The following USP25 variants were observed in gnomAD, a reference collection of about 807,000 sequenced individuals.
USP25 encodes ubiquitin specific peptidase 25.
Under a neutral mutation model 158.5 loss-of-function variants are expected in USP25, and 85 were observed. The observed-to-expected ratio is 0.54, with a 90% CI of 0.45 to 0.64. USP25 has a LOEUF of 0.64. Ranked by LOEUF, USP25 falls within the 30% of genes least tolerant of loss-of-function variation. The pLI, the probability that USP25 is intolerant of heterozygous loss-of-function variation, is 0.00. For synonymous variants in USP25, 464 were observed against 460.4 expected (o/e 1.01, Z -0.10); for missense variants, 1,242 against 1,327.3 (o/e 0.94, Z 1.00).
intron 4 of USP25, among the ~76,000 whole-genome samples, chr21:15,789,469 A>G (rs1386614821): frequency 6.6e-6 from 1 of 152,098 alleles, no homozygotes; most frequent in Non-Finnish European, 1.5e-5. Flanking sequence ...GTTTCTTGTT[A>G]TAATTAGTAG....
At chr21:15,756,804 T>C (rs143670852) in intron 1 of USP25, among the ~76,000 whole-genome samples, 3 of 152,118 alleles carry the variant, frequency 2.0e-5, no homozygotes, top group African/African-American at 4.8e-5. Context: ...ACTGAATCTC[T>C]TTGGACGTTG....
intron 10 of USP25, among the ~76,000 whole-genome samples, chr21:15,820,401 C>T (rs1045520147): frequency 1.3e-5 from 2 of 151,820 alleles, no homozygotes; most frequent in East Asian, 3.9e-4. Flanking sequence ...TGGTTTTATA[C>T]TCTGAATGCC....
intron 23 of USP25, among the ~76,000 whole-genome samples, chr21:15,871,968 G>A (rs1211975121): frequency 2.7e-5 from 4 of 148,936 alleles, no homozygotes; most frequent in Non-Finnish European, 5.9e-5. Flanking sequence ...TCCAGCCTGG[G>A]CGACAGAGCG....
chr21:15,846,139 TATATATATATA>T (rs2038583279), intron 18 of USP25, among the ~76,000 whole-genome samples: 1 of 57,404 alleles, frequency 1.7e-5, no homozygotes, highest in African/African-American at 8.7e-5. Context: ...TATATATATA[TATATATATATA>T]TATATATATT....
In USP25 at chr21:15,847,765, TATG is replaced by T. The variant is rs1360539524; in HGVS notation, c.2445_2447del (p.Asp816del). On this transcript the variant is annotated inframe_deletion, in exon 19 of 26. Coordinates refer to ENST00000400183, the MANE Select transcript of USP25 (RefSeq NM_001283041.3). ...TATGATTGAATCAAAGGAGGGGGGG[TATG>T]ATGACGAGGTACCTTTTACAGCCCT... The T allele has an allele frequency of 4.5e-6, 7 of 1,547,896 alleles. No homozygotes were observed. In the Admixed American group the frequency reaches 1.4e-4, roughly 30 times the overall value.
intron 20 of USP25, among the ~76,000 whole-genome samples, chr21:15,860,278 G>A (rs1185313334): frequency 6.6e-6 from 1 of 151,908 alleles, no homozygotes; most frequent in African/African-American, 2.4e-5. Context: ...TCAGCCTCCC[G>A]AGTAGCTGGG....
chr21:15,777,908 G>C lies in USP25; in HGVS notation c.273G>C (p.Val91=), dbSNP rs778712178. 4 of 1,589,364 alleles carry C rather than the reference G, an allele frequency of 2.5e-6. No homozygotes were observed. The South Asian group carries it at 4.7e-5, about 19-fold the overall frequency. Residue 91 remains valine, a synonymous_variant, in exon 4 of 26, where the codon GTG becomes GTC. Coordinates refer to ENST00000400183, the MANE Select transcript of USP25 (RefSeq NM_001283041.3). ...AAAGATAGTTTTGCTTTTCAGATGT[G>C]ATTGATCTCACTGGAGATGATAAAG... ...ISVGSQADTN[V]IDLTGDDKDD...
chr21:15,832,782 G>A (rs2037868722), intron 16 of USP25, among the ~76,000 whole-genome samples: 1 of 152,092 alleles, frequency 6.6e-6, no homozygotes, highest in Admixed American at 6.5e-5. Flanking sequence ...ACTTTGGGAG[G>A]CCAAGGTGGG....
At position 15,762,911 on chromosome 21, in the gene USP25, T is replaced by G. The variant is rs1387679400; in HGVS notation, c.66T>G (p.Asn22Lys). The G allele has an allele frequency of 6.2e-7, 1 of 1,612,754 alleles. No individual in the cohort carries two copies. ...TCTAGCACCAGCAGACGTTTTTGAA[T>G]CAACTGAGAGAAATTACGGGGATTA... ...AAQKHQQTFL[N>K]QLREITGIND... The change falls in exon 2 of 26, where the codon AAT becomes AAG. Residue 22 changes from asparagine (N) to lysine (K), a missense_variant. Asn to Lys is a moderately conservative substitution (Grantham distance 94). Around this residue, in one of 3 missense-constraint regions of USP25, gnomAD observed 627 missense variants for 701.4 expected, o/e 0.89. Transcript: ENST00000400183.
At position 15,830,570 on chromosome 21, in the gene USP25, A is replaced by C; in HGVS notation, c.1733A>C (p.Glu578Ala). Residue 578 changes from glutamate to alanine, a missense_variant, in exon 15 of 26, where the codon GAA becomes GCA. By Grantham distance (107) the Glu-to-Ala change is moderately radical (BLOSUM62 -1). This residue lies in a region of USP25 where 627 missense variants were observed against 701.4 expected (regional missense o/e 0.89). Transcript: ENST00000400183. Reference sequence around the variant, plus strand: ...ATATCCAGAATCCATCGAACAATTGAATTAATGTACTCTGACAAATCTATG... The same window carrying C: ...ATATCCAGAATCCATCGAACAATTGCATTAATGTACTCTGACAAATCTATG... ...ESISRIHRTI[E>A]LMYSDKSMIQ... The C allele has an allele frequency of 6.2e-7, 1 of 1,605,018 alleles. No homozygotes were observed. The highest frequency in any genetic ancestry group is 8.5e-7 in the Non-Finnish European group (1 of 1,175,942).
chr21:15,749,162 G>A (rs1467520943), intron 1 of USP25, among the ~76,000 whole-genome samples: 1 of 152,128 alleles, frequency 6.6e-6, no homozygotes. Context: ...ATAAGTTAGC[G>A]CCAAATAAAT....
chr21:15,735,510 G>A (rs1167778066), intron 1 of USP25, among the ~76,000 whole-genome samples: 1 of 152,154 alleles, frequency 6.6e-6, no homozygotes, highest in South Asian at 2.1e-4. Flanking sequence ...TTTGACATTC[G>A]CAGATTTTGG....
chr21:15,842,648 T>C, intron 18 of USP25, 108 bp downstream of exon 18: 9 of 1,388,468 alleles, frequency 6.5e-6, no homozygotes, highest in Non-Finnish European at 8.8e-6. Flanking sequence ...GGCCCAGTGA[T>C]GGCTCTGCCA....
At chr21:15,849,238 T>C (rs191048291) in intron 19 of USP25, among the ~76,000 whole-genome samples, 125 of 152,298 alleles carry the variant, frequency 8.2e-4, no homozygotes, top group Admixed American at 1.5e-3. Context: ...GTGTGTTTTG[T>C]CGTTTTTTAA....
intron 5 of USP25, 79 bp from the exon 6 acceptor site, chr21:15,799,678 A>C (rs1264889997): frequency 9.7e-6 from 9 of 927,892 alleles, no homozygotes; most frequent in Non-Finnish European, 1.4e-5. Flanking sequence ...GTAAAAAATA[A>C]ACCTCCAAGA....
intron 10 of USP25, among the ~76,000 whole-genome samples, chr21:15,822,452 A>G (rs1385146141): frequency 1.3e-5 from 2 of 151,998 alleles, no homozygotes; most frequent in East Asian, 3.8e-4. Flanking sequence ...TTCATGGTCT[A>G]CAGAAAAGTG....
At chr21:15,818,484 A>C (rs1487844231) in intron 9 of USP25, among the ~76,000 whole-genome samples, 6 of 152,144 alleles carry the variant, frequency 3.9e-5, no homozygotes, top group Non-Finnish European at 7.3e-5. Flanking sequence ...TGTGTATATA[A>C]TTACATATAT....
chr21:15,733,961 G>T (rs1266856678), intron 1 of USP25, among the ~76,000 whole-genome samples: 2 of 152,194 alleles, frequency 1.3e-5, no homozygotes, highest in African/African-American at 2.4e-5. Flanking sequence ...CCACCTTTTT[G>T]TCACCTTGGG....
intron 18 of USP25, among the ~76,000 whole-genome samples, chr21:15,846,249 G>A (rs867897561): frequency 2.1e-4 from 28 of 136,434 alleles, no homozygotes; most frequent in Middle Eastern, 5.3e-3. Flanking sequence ...TGCAACCTCC[G>A]CCTCCCAGGT....
Sources: gnomAD v4.1 joint callset for allele counts (sites outside exome capture counted in the v4.1 genomes callset) on GRCh38, gnomAD v4.1.1 for gene constraint, gnomAD v4.1.1 regional missense constraint, MANE v1.5 for transcripts, NCBI Gene and HGNC (gene_info 2026-07-23, HGNC 2026-07-21) for gene names.